The following WNK3 variants were observed in gnomAD, a reference collection of about 807,000 sequenced individuals.
The protein encoded by WNK3 is serine/threonine-protein kinase WNK3.
Under a neutral mutation model 116.7 loss-of-function variants are expected in WNK3, and 18 were observed. The observed-to-expected ratio is 0.15, with a 90% CI of 0.11 to 0.23. WNK3 has a LOEUF of 0.23. Ranked by LOEUF, WNK3 falls within the 10% of genes least tolerant of loss-of-function variation. The pLI is 1.00. For missense variants in WNK3, 993 were observed against 1,323.8 expected (o/e 0.75, Z 3.88); for synonymous variants, 404 against 469.4 (o/e 0.86, Z 1.80).
intron 10 of WNK3, among the ~76,000 whole-genome samples, chrX:54,267,904 G>C (rs1026424865): frequency 1.8e-5 from 2 of 110,999 alleles, no homozygotes; most frequent in African/African-American, 6.5e-5. Flanking sequence ...AGCAGGCTTG[G>C]GGTGGTGGAA....
chrX:54,304,640 A>T (rs1603394118), intron 5 of WNK3, among the ~76,000 whole-genome samples: 1 of 111,144 alleles, frequency 9.0e-6, no homozygotes, highest in African/African-American at 3.3e-5. Context: ...AAATTTTCAA[A>T]ATTGTCTAAA....
chrX:54,302,727 C>T (rs868942358), intron 5 of WNK3, among the ~76,000 whole-genome samples: 4 of 32,939 alleles, frequency 1.2e-4, no homozygotes, highest in Non-Finnish European at 2.3e-4. Flanking sequence ...CTCTCTCTCT[C>T]TCTCTATATA....
chrX:54,349,650 A>G (rs1186348488), intron 1 of WNK3, among the ~76,000 whole-genome samples: 1 of 112,161 alleles, frequency 8.9e-6, no homozygotes, highest in African/African-American at 3.2e-5. Flanking sequence ...GAAAGCCAAG[A>G]AAATCTTGAT....
intron 13 of WNK3, 101 bp downstream of exon 13, chrX:54,253,857 TC>T: frequency 1.7e-6 from 1 of 580,926 alleles, no homozygotes; most frequent in Middle Eastern, 3.4e-4. Flanking sequence ...TTAAAACTAA[TC>T]GTACTCTAAA....
intron 8 of WNK3, 123 bp from the exon 9 acceptor site, chrX:54,293,450 A>G (rs1276136187): frequency 8.7e-6 from 4 of 462,375 alleles, no homozygotes; most frequent in Non-Finnish European, 1.4e-5. Flanking sequence ...CATAGCTTCA[A>G]ATAAAATATT....
chrX:54,212,926 C>T (rs1014772245), intron 22 of WNK3, among the ~76,000 whole-genome samples: 5 of 110,804 alleles, frequency 4.5e-5, no homozygotes, highest in Non-Finnish European at 9.5e-5. Flanking sequence ...ATGTATAGTT[C>T]CTTATCAGCT....
intron 1 of WNK3, among the ~76,000 whole-genome samples, chrX:54,341,602 T>TA (rs1489484422): frequency 9.3e-6 from 1 of 107,797 alleles, no homozygotes; most frequent in East Asian, 2.9e-4. Flanking sequence ...TCTCTAAAAA[T>TA]AAAAAATAAT....
chrX:54,307,885 G>A, intron 5 of WNK3, 37 bp downstream of exon 5: 1 of 1,109,444 alleles, frequency 9.0e-7, no homozygotes, highest in South Asian at 2.5e-5. Context: ...ATGAAACGTG[G>A]CAACTGATAA....
chrX:54,236,121 T>C (rs1450261169), intron 20 of WNK3, among the ~76,000 whole-genome samples: 5 of 110,884 alleles, frequency 4.5e-5, no homozygotes, highest in Non-Finnish European at 7.6e-5. Context: ...TCTTTTCTTT[T>C]TTTTTAGACG....
Position 54,232,113 on chromosome X carries a change from G to GTATATATATATA in WNK3, c.4840+684_4840+695dup, listed in dbSNP as rs781829275. 3.9e-4 allele frequency among the ~76,000 whole-genome samples: 37 copies of GTATATATATATA among 95,090 alleles called. 1 individual carries two copies. In the East Asian group the frequency reaches 0.011, roughly 28 times the overall value. The allele number at this position is 95,090 out of a possible 115,157, so 82.6% of individuals were successfully genotyped here. A position where few individuals can be genotyped will look rare whatever the true frequency, so the allele number is the denominator to read the frequency against. ...TGTGTATATGTGTGTGTGTGTGTGT[G>GTATATATATATA]TATATATATATATATATATATATGT... is the stretch of plus-strand genomic sequence containing the variant. On this transcript the variant is annotated intron_variant, in intron 21 of 23. Transcript: ENST00000354646.
At chrX:54,224,784 G>T (rs1157251678) in intron 22 of WNK3, among the ~76,000 whole-genome samples, 4 of 110,278 alleles carry the variant, frequency 3.6e-5, no homozygotes, top group East Asian at 2.9e-4. Flanking sequence ...TTAGCCAGGA[G>T]GGTCTTGATC....
chrX:54,215,482 C>T (rs1557144953), intron 22 of WNK3, among the ~76,000 whole-genome samples: 1 of 112,880 alleles, frequency 8.9e-6, no homozygotes. Context: ...GAGTCTCGCT[C>T]ACTCAGTGCT....
rs2068860577 is a variant in WNK3 at position 54,309,391 on chromosome X, C to T, written c.711-76G>A. 14 of 754,004 alleles carry T rather than the reference C, an allele frequency of 1.9e-5. No individual in the cohort carries two copies. The Admixed American group carries it at 4.1e-4, about 22-fold the overall frequency. 62.1% of individuals were successfully genotyped at this position (754,004 alleles called of 1,213,427 possible). ...ATATGAACACTATTAAGGTAAGTTA[C>T]ATAAGCAAACAACTTATGCACTATG... On this transcript the variant is annotated intron_variant, in intron 3 of 23. Coordinates refer to ENST00000354646, the Ensembl canonical transcript of WNK3.
At chrX:54,347,681 CAT>C (rs1225024922) in intron 1 of WNK3, among the ~76,000 whole-genome samples, 289 of 98,159 alleles carry the variant, frequency 2.9e-3, no homozygotes, top group African/African-American at 4.8e-3. Context: ...TATATATACA[CAT>C]ATATATATAT....
At chrX:54,249,855 C>T (rs1249917876) in intron 16 of WNK3, 139 bp downstream of exon 16, 2 of 819,275 alleles carry the variant, frequency 2.4e-6, no homozygotes, top group Non-Finnish European at 3.4e-6. Context: ...AAGTTGTATC[C>T]TAATATTAAT....
At chrX:54,317,856 T>C (rs891304538) in intron 2 of WNK3, among the ~76,000 whole-genome samples, 1 of 108,109 alleles carries the variant, frequency 9.2e-6, no homozygotes, top group African/African-American at 3.4e-5. Flanking sequence ...ATGGTCTCGA[T>C]CTTCTGACCT....
At chrX:54,319,435 T>A (rs2069003805) in intron 2 of WNK3, among the ~76,000 whole-genome samples, 1 of 111,717 alleles carries the variant, frequency 9.0e-6, no homozygotes, top group Admixed American at 9.6e-5. Context: ...AGTGCTAGGA[T>A]TATAGGCATG....
chrX:54,209,662 T>C (rs782566623), intron 22 of WNK3, among the ~76,000 whole-genome samples: 19 of 101,198 alleles, frequency 1.9e-4, no homozygotes, highest in African/African-American at 6.2e-4. Context: ...GCTATTCTCC[T>C]GCCTGAGCCT....
intron 10 of WNK3, among the ~76,000 whole-genome samples, chrX:54,271,409 T>G (rs2068382936): frequency 9.0e-6 from 1 of 111,407 alleles, no homozygotes; most frequent in Non-Finnish European, 1.9e-5. Context: ...GTTTCGGATA[T>G]CCAAAGAATC....
Sources: allele counts gnomAD v4.1 joint callset (sites outside exome capture counted in the v4.1 genomes callset), GRCh38; gene constraint gnomAD v4.1.1; transcripts MANE v1.5; gene names NCBI Gene and HGNC (gene_info 2026-07-23, HGNC 2026-07-21).